Variants in PHF14 observed in about 807,000 individuals in gnomAD.
PHF14 encodes the protein PHD finger protein 14.
Under a neutral mutation model 117.9 loss-of-function variants are expected in PHF14, and 55 were observed. The ratio of observed to expected loss-of-function variants is 0.47; its 90% CI spans 0.38 to 0.58. PHF14 has a LOEUF of 0.58. Ranked by LOEUF, PHF14 falls within the 20% of genes least tolerant of loss-of-function variation. The pLI, the probability that PHF14 is intolerant of heterozygous loss-of-function variation, is 0.00. For synonymous variants in PHF14, 409 were observed against 368.6 expected (o/e 1.11, Z -1.26); for missense variants, 978 against 1,122.2 (o/e 0.87, Z 1.84).
chr7:11,116,089 T>C (rs1366937096), intron 17 of PHF14, among the ~76,000 whole-genome samples: 1 of 152,112 alleles, frequency 6.6e-6, no homozygotes, highest in Non-Finnish European at 1.5e-5. Context: ...TTTTCTGTTT[T>C]ATTCAGTGGG....
chr7:11,044,105 T>C (rs1784586011), intron 13 of PHF14, among the ~76,000 whole-genome samples: 1 of 152,074 alleles, frequency 6.6e-6, no homozygotes, highest in African/African-American at 2.4e-5. Context: ...ATACTGCATG[T>C]TCTCACTTAC....
intron 16 of PHF14, among the ~76,000 whole-genome samples, chr7:11,071,509 A>G (rs1051598707): frequency 8.5e-5 from 13 of 152,220 alleles, no homozygotes; most frequent in African/African-American, 3.1e-4. Flanking sequence ...CTTTTTAAAA[A>G]ACAACTCTAG....
At chr7:11,066,041 A>G (rs1293633050) in intron 16 of PHF14, among the ~76,000 whole-genome samples, 2 of 152,168 alleles carry the variant, frequency 1.3e-5, no homozygotes, top group Non-Finnish European at 2.9e-5. Flanking sequence ...ATTTGAGTAT[A>G]TGGCAAATTA....
intron 17 of PHF14, among the ~76,000 whole-genome samples, chr7:11,140,988 G>T (rs1788382781): frequency 6.6e-6 from 1 of 151,972 alleles, no homozygotes; most frequent in Admixed American, 6.6e-5. Context: ...CCATAAAATT[G>T]AAATTAAGTA....
chr7:11,108,333 A>T (rs367972495), intron 16 of PHF14: 1 of 151,782 alleles, frequency 6.6e-6, no homozygotes, highest in East Asian at 1.9e-4. Context: ...TGACTTCAAG[A>T]TTGGATTCTT....
intron 16 of PHF14, chr7:11,104,031 A>G (rs1011750921): frequency 3.0e-6 from 3 of 984,930 alleles, no homozygotes; most frequent in Non-Finnish European, 3.6e-6. Context: ...ACAGATTGCC[A>G]TTTTCTAAGT....
chr7:11,148,056 C>T (rs1196219105), intron 17 of PHF14, among the ~76,000 whole-genome samples: 1 of 152,124 alleles, frequency 6.6e-6, no homozygotes, highest in Non-Finnish European at 1.5e-5. Flanking sequence ...TTGTTTAATT[C>T]CAAAGCATAT....
intron 17 of PHF14, among the ~76,000 whole-genome samples, chr7:11,167,417 C>T (rs1789232886): frequency 6.6e-6 from 1 of 152,140 alleles, no homozygotes; most frequent in Non-Finnish European, 1.5e-5. Context: ...TAGTTAAGAA[C>T]AATATTGTGC....
intron 16 of PHF14, among the ~76,000 whole-genome samples, chr7:11,102,152 A>G (rs1435796952): frequency 2.0e-5 from 3 of 151,880 alleles, no homozygotes; most frequent in African/African-American, 7.2e-5. Flanking sequence ...ATATTTATTG[A>G]TTAAATATTT....
At chr7:11,144,467 C>T (rs1788491262) in intron 17 of PHF14, among the ~76,000 whole-genome samples, 1 of 150,822 alleles carries the variant, frequency 6.6e-6, no homozygotes. Context: ...TACCTATACC[C>T]CATGTTTATT....
At chr7:10,986,475 CATT>C (rs973003376) in intron 3 of PHF14, among the ~76,000 whole-genome samples, 3 of 152,170 alleles carry the variant, frequency 2.0e-5, no homozygotes, top group Admixed American at 6.5e-5. Context: ...GTCTTAGTAT[CATT>C]ATGAAAACTG....
At chr7:11,153,917 A>T (rs1171449499) in intron 17 of PHF14, among the ~76,000 whole-genome samples, 1 of 150,556 alleles carries the variant, frequency 6.6e-6, no homozygotes, top group South Asian at 2.1e-4. Context: ...CATAGAGGCA[A>T]GCCTATGAAA....
chr7:10,988,415 AC>A (rs2128309540), intron 3 of PHF14, among the ~76,000 whole-genome samples: 1 of 152,130 alleles, frequency 6.6e-6, no homozygotes, highest in East Asian at 1.9e-4. Flanking sequence ...ATATGGGTAA[AC>A]CTTTTTTCCA....
At chr7:11,089,232 A>G (rs1409117558) in intron 16 of PHF14, among the ~76,000 whole-genome samples, 1 of 152,220 alleles carries the variant, frequency 6.6e-6, no homozygotes, top group Non-Finnish European at 1.5e-5. Context: ...CCTCAAAACA[A>G]CATTAAAGTT....
At chr7:11,038,221 A>T (rs577091247) in intron 10 of PHF14, among the ~76,000 whole-genome samples, 1 of 152,018 alleles carries the variant, frequency 6.6e-6, no homozygotes, top group South Asian at 2.1e-4. Flanking sequence ...AGACCATCCT[A>T]GGAGTTTGAG....
chr7:11,028,779 T>C lies in PHF14; in HGVS notation c.1416T>C (p.Ala472=), dbSNP rs1027985927. The change falls in exon 7 of 18, where the codon GCT becomes GCC. Residue 472 remains alanine (A), a synonymous_variant. Coordinates refer to ENST00000634607, the MANE Select transcript of PHF14 (RefSeq NM_001007157.2). ...MCRAYFHVTC[A]QKEGLLSEAA... The stretch of plus-strand genomic sequence containing the variant: ...GAGCCTATTTCCATGTGACCTGTGC[T>C]CAAAAGGAAGGTCTGCTTTCAGAGG... 6.2e-7 allele frequency: 1 copy of C among 1,613,672 alleles called. No homozygotes were observed. The highest frequency in any genetic ancestry group is 8.5e-7 in the Non-Finnish European group (1 of 1,179,774).
intron 4 of PHF14, among the ~76,000 whole-genome samples, chr7:10,994,099 C>G (rs1481454778): frequency 6.6e-6 from 1 of 151,784 alleles, no homozygotes; most frequent in Non-Finnish European, 1.5e-5. Flanking sequence ...GAGCAAGTCA[C>G]TTAAATATAT....
rs77610123 is a variant in PHF14 at position 11,151,046 on chromosome 7, T to C, written c.2773-18370T>C. Among the ~76,000 whole-genome samples, 548 of 152,194 alleles carry C rather than the reference T, an allele frequency of 3.6e-3. 3 individuals carry two copies. Among genetic ancestry groups the C allele is most frequent in the African/African-American group, 0.012 (507 of 41,540 alleles). ...AAAGATATATCAATGATTTTAAAAA[T>C]AAGAAAAGCAAAATAGAATCTTAGA... is the stretch of plus-strand genomic sequence containing the variant. On this transcript the variant is annotated intron_variant, in intron 17 of 17. Transcript: ENST00000634607.
chr7:11,146,169 A>C (rs890748690), intron 17 of PHF14, among the ~76,000 whole-genome samples: 1 of 152,104 alleles, frequency 6.6e-6, no homozygotes, highest in Non-Finnish European at 1.5e-5. Context: ...ATTACTTACA[A>C]ATTAAAAAAT....
Sources: gnomAD v4.1 joint callset for allele counts (sites outside exome capture counted in the v4.1 genomes callset) on GRCh38, gnomAD v4.1.1 for gene constraint, MANE v1.5 for transcripts, NCBI Gene and HGNC (gene_info 2026-07-23, HGNC 2026-07-21) for gene names.